The following SLC15A1 variants were observed in gnomAD, a reference collection of about 807,000 sequenced individuals.
SLC15A1 encodes the protein Caco-2 oligopeptide transporter.
In SLC15A1, 83 loss-of-function variants were observed where a neutral mutation model predicts 92.9. The ratio of observed to expected loss-of-function variants is 0.89; its 90% CI spans 0.75 to 1.07. SLC15A1 has a LOEUF of 1.07. SLC15A1 is among the 50% of genes least tolerant of loss of function. SLC15A1 has a pLI of 0.00. For synonymous variants in SLC15A1, 322 were observed against 318.2 expected (o/e 1.01, Z -0.13); for missense variants, 857 against 880.1 (o/e 0.97, Z 0.33).
rs1419847899 is a variant in SLC15A1, at chr13:98,684,701, A to G, written c.*23T>C. On this transcript the variant is annotated 3_prime_UTR_variant, in exon 23 of 23. Coordinates refer to ENST00000376503, the MANE Select transcript of SLC15A1 (RefSeq NM_005073.4). ...GTCAGGGCATCTGCGGGCCCAGTCC[A>G]TCCTCCACTTGCCTCCTGACCTTCA... The G allele has an allele frequency of 4.3e-6, 7 of 1,610,090 alleles. No homozygotes were observed. Among genetic ancestry groups the G allele is most frequent in the Non-Finnish European group, 5.9e-6 (7 of 1,177,208 alleles).
At chr13:98,748,652 C>T (rs537129205) in intron 1 of SLC15A1, among the ~76,000 whole-genome samples, 1 of 152,284 alleles carries the variant, frequency 6.6e-6, no homozygotes, top group South Asian at 2.1e-4. Context: ...TGCTAATTTA[C>T]CCAATGCTTC....
At chr13:98,739,584 A>G (rs980289818) in intron 1 of SLC15A1, among the ~76,000 whole-genome samples, 13 of 151,406 alleles carry the variant, frequency 8.6e-5, no homozygotes, top group Admixed American at 7.2e-4. Context: ...CCTTGCTCCT[A>G]CTCCAGCCAT....
chr13:98,716,563 A>T (rs1189488719), intron 8 of SLC15A1, among the ~76,000 whole-genome samples: 2 of 151,872 alleles, frequency 1.3e-5, no homozygotes, highest in Admixed American at 6.6e-5. Flanking sequence ...TGGAGGCTGC[A>T]GTGAAATGAG....
At chr13:98,684,989 G>A (rs1346470985) in intron 22 of SLC15A1, 74 bp from the exon 23 acceptor site, 11 of 1,300,502 alleles carry the variant, frequency 8.5e-6, no homozygotes, top group East Asian at 2.5e-5. Context: ...TATATGGTGC[G>A]TACATGTTCT....
chr13:98,748,410 C>T (rs1445035126), intron 1 of SLC15A1, among the ~76,000 whole-genome samples: 1 of 152,168 alleles, frequency 6.6e-6, no homozygotes, highest in Non-Finnish European at 1.5e-5. Context: ...CTGGCCTCAG[C>T]CTCCCGAGTA....
At chr13:98,747,508 A>G (rs2088503079) in intron 1 of SLC15A1, among the ~76,000 whole-genome samples, 1 of 152,202 alleles carries the variant, frequency 6.6e-6, no homozygotes, top group Admixed American at 6.5e-5. Context: ...TGGTAGCTCA[A>G]CTAGCCCATT....
intron 1 of SLC15A1, among the ~76,000 whole-genome samples, chr13:98,749,238 A>C (rs1016546295): frequency 1.3e-5 from 2 of 152,200 alleles, no homozygotes; most frequent in African/African-American, 4.8e-5. Context: ...TTCACAGCCC[A>C]TCCATCATTT....
At chr13:98,744,748 C>CAAAAAAAAAAAAAAAAAAAAAAAAAAAAA (rs5806073) in intron 1 of SLC15A1, among the ~76,000 whole-genome samples, 1 of 82,414 alleles carries the variant, frequency 1.2e-5, no homozygotes. Flanking sequence ...GATTCCATCT[C>CAAAAAAAAAAAAAAAAAAAAAAAAAAAAA]AAAAAAAAAA....
chr13:98,687,865 A>G (rs1330424359), intron 20 of SLC15A1, 141 bp from the exon 21 acceptor site: 4 of 972,868 alleles, frequency 4.1e-6, no homozygotes, highest in Admixed American at 5.9e-5. Flanking sequence ...ATAAGGCAAC[A>G]CTGCATTTTA....
rs759797427 is a variant in SLC15A1 at position 98,704,307 on chromosome 13, G to A, written c.1398C>T (p.Ala466=). The A allele has an allele frequency of 3.1e-6, 5 of 1,609,842 alleles. No homozygotes were observed. The highest frequency in any genetic ancestry group is 2.2e-5 in the East Asian group (1 of 44,666). ...CACTTACCACCTGGTAGTGATTGGGGGCCCACACTAGAAGCGTGTGGCGTT... is the reference window on the plus strand; with the variant it reads ...CACTTACCACCTGGTAGTGATTGGGAGCCCACACTAGAAGCGTGTGGCGTT... ...QGQRHTLLVW[A]PNHYQVVKDG... The change falls in exon 17 of 23, where the codon GCC becomes GCT. Residue 466 remains alanine (A), a synonymous_variant. Transcript: ENST00000376503.
At chr13:98,739,066 T>G (rs1262782358) in intron 1 of SLC15A1, among the ~76,000 whole-genome samples, 3 of 152,248 alleles carry the variant, frequency 2.0e-5, no homozygotes, top group Non-Finnish European at 4.4e-5. Flanking sequence ...TAAGATTTAG[T>G]GCCTGCCCTG....
intron 8 of SLC15A1, among the ~76,000 whole-genome samples, chr13:98,717,520 G>A (rs146762383): frequency 2.4e-4 from 36 of 152,282 alleles, no homozygotes; most frequent in African/African-American, 7.0e-4. Context: ...TGTACCTAAC[G>A]TGCTTAATAC....
At chr13:98,708,342 A>G (rs901554812) in intron 15 of SLC15A1, among the ~76,000 whole-genome samples, 5 of 152,208 alleles carry the variant, frequency 3.3e-5, no homozygotes, top group African/African-American at 1.2e-4. Flanking sequence ...CAAAAAGACC[A>G]TTTACACACA....
At chr13:98,721,407 G>T in intron 7 of SLC15A1, 88 bp downstream of exon 7, 2 of 911,362 alleles carry the variant, frequency 2.2e-6, no homozygotes, top group Middle Eastern at 2.1e-4. Flanking sequence ...AAACAGGGCA[G>T]AAGGGAAGAA....
chr13:98,745,391 G>A (rs1165018189), intron 1 of SLC15A1, among the ~76,000 whole-genome samples: 2 of 152,162 alleles, frequency 1.3e-5, no homozygotes, highest in African/African-American at 4.8e-5. Context: ...GTGTCGAATA[G>A]TGTCCTGCCC....
rs74109678 is a variant in SLC15A1 at position 98,732,510 on chromosome 13, G to A, written c.5-5651C>T. Among the ~76,000 whole-genome samples the A allele has an allele frequency of 6.8e-3, 1,030 of 152,100 alleles. 12 individuals are homozygous for A. The highest frequency in any genetic ancestry group is 0.024 in the African/African-American group (984 of 41,478). The stretch of plus-strand genomic sequence containing the variant: ...AGAAAACAAGAGACTCCCCTCTTCC[G>A]CACGACTCAATAAAATCTCCCATCC... On this transcript the variant is annotated intron_variant, in intron 1 of 22. Transcript: ENST00000376503.
chr13:98,712,089 C>T (rs547675723), intron 10 of SLC15A1, 146 bp from the exon 11 acceptor site: 18 of 615,876 alleles, frequency 2.9e-5, no homozygotes, highest in Non-Finnish European at 4.7e-5. Context: ...AACATACTGC[C>T]GCAGTTTTCT....
intron 18 of SLC15A1, among the ~76,000 whole-genome samples, chr13:98,695,439 C>T (rs1471018860): frequency 1.3e-5 from 2 of 152,160 alleles, no homozygotes; most frequent in Non-Finnish European, 2.9e-5. Flanking sequence ...GTCGCCCAGG[C>T]TGGAGTGCAA....
At chr13:98,702,551 T>C in intron 17 of SLC15A1, 22 bp from the exon 18 acceptor site, 2 of 1,570,208 alleles carry the variant, frequency 1.3e-6, no homozygotes, top group Non-Finnish European at 1.8e-6. Context: ...AACAGTAATG[T>C]AAAAATATTT....
Sources: gnomAD v4.1 joint callset for allele counts (sites outside exome capture counted in the v4.1 genomes callset) on GRCh38, gnomAD v4.1.1 for gene constraint, MANE v1.5 for transcripts, NCBI Gene and HGNC (gene_info 2026-07-23, HGNC 2026-07-21) for gene names.